GTPBP1: variants seen among roughly 807,000 people sequenced by gnomAD.
GTPBP1 encodes the protein GTP-binding protein 1.
A neutral mutation model predicts 62.0 loss-of-function variants in GTPBP1; 23 were observed. The ratio of observed to expected loss-of-function variants is 0.37; its 90% CI spans 0.27 to 0.53. The LOEUF is 0.53. Ranked by LOEUF, GTPBP1 falls within the 20% of genes least tolerant of loss-of-function variation. The pLI is 0.89. For synonymous variants in GTPBP1, 344 were observed against 364.4 expected, an observed-to-expected ratio of 0.94 and a Z score of 0.64; for missense variants, 640 against 917.3, an observed-to-expected ratio of 0.70 and a Z score of 3.90.
In GTPBP1 at chr22:38,727,871, GC is replaced by G; in HGVS notation, c.1538-107del. ...CGGGGGTCTGTAGCCCCAGAGATAA[GC>G]CCCCACCCTTCCACAGCTTAAGCGT... On this transcript the variant is annotated intron_variant, in intron 9 of 11. Coordinates refer to ENST00000216044, the MANE Select transcript of GTPBP1 (RefSeq NM_004286.5). This position sits in a 1 kb window ranked among gnomAD's most constrained non-coding sequence, Gnocchi z 6.5. The G allele has an allele frequency of 1.4e-6, 1 of 712,106 alleles. No homozygotes were observed. Among genetic ancestry groups the G allele is most frequent in the Non-Finnish European group, 2.4e-6 (1 of 408,462 alleles). 44.1% of individuals were successfully genotyped at this position (712,106 alleles called of 1,614,324 possible).
At chr22:38,719,929 CTTTT>C (rs374928496) in intron 4 of GTPBP1, among the ~76,000 whole-genome samples, 3 of 135,782 alleles carry the variant, frequency 2.2e-5, no homozygotes, top group East Asian at 2.1e-4. Flanking sequence ...TTCTTTCTTT[CTTTT>C]TTTTTTTTTT....
downstream of GTPBP1, chr22:38,736,786 C>G (rs970531582): frequency 1.2e-5 from 2 of 165,382 alleles, no homozygotes; most frequent in Admixed American, 1.2e-4. Context: ...TGGGCAGATG[C>G]CACAGGCCTA....
At chr22:38,710,982 G>A (rs1002679900) in intron 2 of GTPBP1, among the ~76,000 whole-genome samples, 2 of 152,062 alleles carry the variant, frequency 1.3e-5, no homozygotes, top group South Asian at 2.1e-4. Flanking sequence ...CATCATCCTC[G>A]AATCCACCAG....
chr22:38,709,405 A>G (rs985505913), intron 2 of GTPBP1, among the ~76,000 whole-genome samples: 3 of 152,244 alleles, frequency 2.0e-5, no homozygotes, highest in Non-Finnish European at 4.4e-5. Flanking sequence ...TGGAGTACAT[A>G]AAAGTACAAA....
downstream of GTPBP1, chr22:38,739,379 G>T: frequency 6.2e-7 from 1 of 1,613,154 alleles, no homozygotes; most frequent in Non-Finnish European, 8.5e-7. The surrounding 1 kb of genome is among the most constrained non-coding windows in gnomAD (Gnocchi z 6.7). Context: ...GCCCGATGCG[G>T]TCCTCACTGT....
At chr22:38,708,978 C>T (rs375267739) in intron 2 of GTPBP1, 22 bp downstream of exon 2, 3 of 1,419,146 alleles carry the variant, frequency 2.1e-6, no homozygotes, top group Non-Finnish European at 3.0e-6. Flanking sequence ...TTTCCTTTCA[C>T]TTTATTTTTA....
downstream of GTPBP1, chr22:38,738,320 C>T: frequency 6.8e-7 from 1 of 1,469,090 alleles, no homozygotes; most frequent in Non-Finnish European, 9.5e-7. This position sits in a 1 kb window ranked among gnomAD's most constrained non-coding sequence, Gnocchi z 6.6. Flanking sequence ...GAACACCCCT[C>T]CCCACTCCAA....
Position 38,726,261 on chromosome 22 carries a change from G to A in GTPBP1, c.1222G>A (p.Val408Met). Residue 408 changes from valine (V) to methionine (M), a missense_variant, in exon 8 of 12, where the codon GTG (valine) becomes ATG (methionine). Val to Met is a conservative substitution (Grantham distance 21). Coordinates refer to ENST00000216044, the MANE Select transcript of GTPBP1 (RefSeq NM_004286.5). The surrounding 1 kb of genome is among the most constrained non-coding windows in gnomAD (Gnocchi z 4.1). ...QIDDTYSVPG[V>M]GTVVSGTTLR... The stretch of plus-strand genomic sequence containing the variant: ...GCCAGGGTCTTCTCCTTGGCAGGGT[G>A]TGGGGACAGTGGTTTCGGGGACAAC... The A allele has an allele frequency of 6.2e-7, 1 of 1,614,054 alleles. No individual in the cohort carries two copies. Among genetic ancestry groups the A allele is most frequent in the Non-Finnish European group, 8.5e-7 (1 of 1,179,998 alleles).
intron 5 of GTPBP1, among the ~76,000 whole-genome samples, chr22:38,724,017 C>T (rs2092714197): frequency 6.6e-6 from 1 of 152,116 alleles, no homozygotes; most frequent in Admixed American, 6.5e-5. Context: ...CCTCAAGTCA[C>T]ATGCTTACAG....
chr22:38,740,541 C>T, downstream of GTPBP1: 2 of 1,238,960 alleles, frequency 1.6e-6, no homozygotes, highest in Non-Finnish European at 2.2e-6. This position sits in a 1 kb window ranked among gnomAD's most constrained non-coding sequence, Gnocchi z 4.8. Context: ...AGAGCGGGTG[C>T]CCAGCACTCA....
chr22:38,714,139 C>T (rs542708892), intron 2 of GTPBP1, among the ~76,000 whole-genome samples: 3 of 152,256 alleles, frequency 2.0e-5, no homozygotes, highest in South Asian at 2.1e-4. Context: ...CCAGCAGTAT[C>T]GAATGCTGTA....
intron 1 of GTPBP1, among the ~76,000 whole-genome samples, chr22:38,707,889 C>T (rs921013381): frequency 7.2e-5 from 11 of 152,090 alleles, no homozygotes; most frequent in Admixed American, 2.0e-4. Flanking sequence ...AGATTAGAAG[C>T]GAAAGGTTCA....
chr22:38,713,918 A>G (rs1217994771), intron 2 of GTPBP1, among the ~76,000 whole-genome samples: 2 of 152,176 alleles, frequency 1.3e-5, no homozygotes, highest in Admixed American at 6.5e-5. Flanking sequence ...GAGTGTTTTT[A>G]TAGTTTTCAA....
intron 1 of GTPBP1, 105 bp from the exon 2 acceptor site, chr22:38,708,740 T>C (rs2145837920): frequency 1.4e-6 from 1 of 701,326 alleles, no homozygotes; most frequent in African/African-American, 1.8e-5. Flanking sequence ...TAGATGAGGG[T>C]GCTATGGGGT....
chr22:38,736,330 G>A (rs2092804627), downstream of GTPBP1: 2 of 1,614,066 alleles, frequency 1.2e-6, no homozygotes, highest in East Asian at 4.5e-5. Flanking sequence ...GGTGGCCCCA[G>A]TTAGTCAGGA....
At chr22:38,710,893 A>G (rs1490287086) in intron 2 of GTPBP1, among the ~76,000 whole-genome samples, 1 of 152,102 alleles carries the variant, frequency 6.6e-6, no homozygotes, top group African/African-American at 2.4e-5. Context: ...CACCCATGGC[A>G]ATTAACCCAC....
At chr22:38,737,767 TAGG>T (rs1041218708), downstream of GTPBP1, 1 of 390,604 alleles carries the variant, frequency 2.6e-6, no homozygotes, top group Non-Finnish European at 5.1e-6. This position sits in a 1 kb window ranked among gnomAD's most constrained non-coding sequence, Gnocchi z 4.1. Context: ...CTAACTGACT[TAGG>T]AGATCGGATG....
downstream of GTPBP1, chr22:38,734,589 G>T: frequency 8.1e-6 from 2 of 245,458 alleles, no homozygotes. Context: ...CCACAACTGG[G>T]CTTTAGCTGA....
chr22:38,726,261 G>T lies in GTPBP1; in HGVS notation c.1222G>T (p.Val408Leu). The change falls in exon 8 of 12, where the codon GTG (valine) becomes TTG (leucine). Residue 408 changes from valine to leucine, a missense_variant. By Grantham distance (32) the Val-to-Leu change is conservative. This residue lies in a region of GTPBP1 where 220 missense variants were observed against 358.1 expected (regional missense o/e 0.61). Transcript: ENST00000216044. This position sits in a 1 kb window ranked among gnomAD's most constrained non-coding sequence, Gnocchi z 4.1. ...GCCAGGGTCTTCTCCTTGGCAGGGT[G>T]TGGGGACAGTGGTTTCGGGGACAAC... ...QIDDTYSVPG[V>L]GTVVSGTTLR... 1.2e-6 allele frequency: 2 copies of T among 1,614,054 alleles called. No individual in the cohort carries two copies. The highest frequency in any genetic ancestry group is 1.7e-6 in the Non-Finnish European group (2 of 1,179,998).
Sources: gnomAD v4.1 joint callset for allele counts (sites outside exome capture counted in the v4.1 genomes callset) on GRCh38, gnomAD v4.1.1 for gene constraint, gnomAD v4.1.1 regional missense constraint, Gnocchi (gnomAD v3.1) non-coding constraint, MANE v1.5 for transcripts, NCBI Gene and HGNC (gene_info 2026-07-23, HGNC 2026-07-21) for gene names.